Variants in RABGAP1L observed in about 807,000 individuals in gnomAD.
RABGAP1L encodes rab GTPase-activating protein 1-like.
A neutral mutation model predicts 137.7 loss-of-function variants in RABGAP1L; 63 were observed. The observed-to-expected ratio is 0.46, with a 90% CI of 0.37 to 0.56. The LOEUF is 0.56. RABGAP1L is among the 20% of genes least tolerant of loss of function. The pLI, the probability that RABGAP1L is intolerant of heterozygous loss-of-function variation, is 0.00. For missense variants in RABGAP1L, 1,095 were observed against 1,244.0 expected (o/e 0.88, Z 1.80); for synonymous variants, 431 against 433.7 (o/e 0.99, Z 0.08).
chr1:174,448,359 T>C lies in RABGAP1L; in HGVS notation c.1710+54214T>C, dbSNP rs1655028901. ...ACTACCAGCTATTTCATTCAGACGA[T>C]GGCATATGCTGATCTTTTCGTTGGA... On this transcript the variant is annotated intron_variant, in intron 13 of 25. Coordinates refer to ENST00000681986, the MANE Select transcript of RABGAP1L (RefSeq NM_001366446.1). The surrounding 1 kb of genome is among the most constrained non-coding windows in gnomAD (Gnocchi z 4.2). 1.9e-6 allele frequency: 3 copies of C among 1,613,906 alleles called. No individual in the cohort carries two copies.
chr1:174,767,655 A>AC (rs1685784191), intron 18 of RABGAP1L, among the ~76,000 whole-genome samples: 1 of 152,020 alleles, frequency 6.6e-6, no homozygotes, highest in Non-Finnish European at 1.5e-5. Context: ...TGATCTTATA[A>AC]CCTGCAACCT....
chr1:174,419,398 GTTTCTGAAATA>G (rs139511786), intron 13 of RABGAP1L, among the ~76,000 whole-genome samples: 2,551 of 152,216 alleles, frequency 0.017, 73 homozygotes, highest in African/African-American at 0.058. Context: ...ACTCTAGAAT[GTTTCTGAAATA>G]TTTTTTGGAT....
chr1:174,457,405 A>G lies in RABGAP1L; in HGVS notation c.1710+63260A>G, dbSNP rs577992948. 2.6e-5 allele frequency among the ~76,000 whole-genome samples: 4 copies of G among 152,204 alleles called. No homozygotes were observed. The South Asian group carries it at 8.3e-4, about 32-fold the overall frequency. On this transcript the variant is annotated intron_variant, in intron 13 of 25. Coordinates refer to ENST00000681986, the MANE Select transcript of RABGAP1L (RefSeq NM_001366446.1). ...AAATTATAAGCTTTGAGATTAGGACAATAATATTAACATGGGTAGAAGTAG... is the reference window on the plus strand; with the variant it reads ...AAATTATAAGCTTTGAGATTAGGACGATAATATTAACATGGGTAGAAGTAG...
intron 19 of RABGAP1L, among the ~76,000 whole-genome samples, chr1:174,927,469 G>A (rs977123329): frequency 2.6e-5 from 4 of 152,094 alleles, no homozygotes; most frequent in Non-Finnish European, 5.9e-5. Flanking sequence ...AGCTCATGCA[G>A]TCCTCCTGCC....
chr1:174,652,323 C>T (rs899704110), intron 14 of RABGAP1L, among the ~76,000 whole-genome samples: 3 of 152,110 alleles, frequency 2.0e-5, no homozygotes, highest in Non-Finnish European at 4.4e-5. Context: ...CTTGGAGCTC[C>T]ATCCAGTTTT....
intron 11 of RABGAP1L, among the ~76,000 whole-genome samples, chr1:174,333,687 C>T (rs563406417): frequency 2.1e-4 from 32 of 152,338 alleles, no homozygotes; most frequent in East Asian, 3.9e-4. Context: ...GCTCCCACTA[C>T]GCCCATTTTC....
chr1:174,232,644 A>G (rs542391923), intron 4 of RABGAP1L, among the ~76,000 whole-genome samples: 111 of 149,634 alleles, frequency 7.4e-4, no homozygotes, highest in Middle Eastern at 3.6e-3. Context: ...TTAGCTGGGC[A>G]TGGTGGCGGG....
intron 19 of RABGAP1L, among the ~76,000 whole-genome samples, chr1:174,916,863 A>G (rs1573813910): frequency 6.6e-6 from 1 of 152,352 alleles, no homozygotes; most frequent in East Asian, 1.9e-4. Flanking sequence ...TTACTAAATA[A>G]CAAGCAGGTG....
chr1:174,745,121 T>C (rs530005673), intron 17 of RABGAP1L, among the ~76,000 whole-genome samples: 2 of 152,354 alleles, frequency 1.3e-5, no homozygotes, highest in African/African-American at 4.8e-5. Flanking sequence ...GATGACTTCT[T>C]TACTCACATA....
chr1:174,792,264 A>G (rs906370122), intron 18 of RABGAP1L, among the ~76,000 whole-genome samples: 5 of 152,198 alleles, frequency 3.3e-5, no homozygotes, highest in Non-Finnish European at 5.9e-5. Context: ...TATCTAGAGT[A>G]TCTGTTTCAG....
chr1:174,861,619 ATC>A (rs774234068), intron 19 of RABGAP1L, among the ~76,000 whole-genome samples: 1 of 152,052 alleles, frequency 6.6e-6, no homozygotes, highest in African/African-American at 2.4e-5. Context: ...AACAATTGTT[ATC>A]TCTTTTTTTT....
intron 4 of RABGAP1L, chr1:174,238,698 G>T (rs1283585822): frequency 6.7e-6 from 1 of 150,346 alleles, no homozygotes; most frequent in Non-Finnish European, 1.5e-5. Context: ...ATTTAAGTCT[G>T]CAGAGGTTAC....
At chr1:174,541,696 A>G (rs1283581232) in intron 13 of RABGAP1L, among the ~76,000 whole-genome samples, 2 of 152,120 alleles carry the variant, frequency 1.3e-5, no homozygotes, top group African/African-American at 2.4e-5. Context: ...GAATGGCATG[A>G]ACCCGGGAGG....
intron 13 of RABGAP1L, among the ~76,000 whole-genome samples, chr1:174,546,752 C>G (rs374106290): frequency 6.6e-6 from 1 of 152,094 alleles, no homozygotes; most frequent in African/African-American, 2.4e-5. Context: ...AGCAGTTGGC[C>G]GGGCGCGGTG....
intron 12 of RABGAP1L, among the ~76,000 whole-genome samples, chr1:174,375,998 G>A (rs1009776291): frequency 1.3e-5 from 2 of 152,054 alleles, no homozygotes; most frequent in African/African-American, 4.8e-5. Context: ...AGCCTAGGAG[G>A]CAGAGGTTGC....
rs562994842 is a variant in RABGAP1L, at chr1:174,200,914, A to T, written c.-33-18211A>T. ...TTTCAATGTGTCCCCGTTTGGTTTCAGTTATCCACATCTGAAGTCACTGTG... is the reference window on the plus strand; with the variant it reads ...TTTCAATGTGTCCCCGTTTGGTTTCTGTTATCCACATCTGAAGTCACTGTG... On this transcript the variant is annotated intron_variant, in intron 1 of 25. Coordinates refer to ENST00000681986, the MANE Select transcript of RABGAP1L (RefSeq NM_001366446.1). Among the ~76,000 whole-genome samples the T allele has an allele frequency of 3.3e-5, 5 of 152,278 alleles. No homozygotes were observed. The South Asian group carries it at 1.0e-3, about 32-fold the overall frequency.
intron 14 of RABGAP1L, among the ~76,000 whole-genome samples, chr1:174,663,965 C>T (rs375417235): frequency 1.3e-5 from 2 of 152,104 alleles, no homozygotes; most frequent in East Asian, 3.8e-4. Flanking sequence ...GACTCAGAGG[C>T]TGTGATGTGC....
chr1:174,559,069 G>C (rs544697797), intron 13 of RABGAP1L, among the ~76,000 whole-genome samples: 3 of 152,240 alleles, frequency 2.0e-5, no homozygotes, highest in African/African-American at 7.2e-5. Flanking sequence ...TTCCAGAAAA[G>C]GGGCATCTAG....
chr1:174,290,771 T>A (rs1198172739), intron 10 of RABGAP1L, among the ~76,000 whole-genome samples: 1 of 151,878 alleles, frequency 6.6e-6, no homozygotes, highest in Non-Finnish European at 1.5e-5. Context: ...TTGGTTTTTT[T>A]TTTTTTTGAG....
Sources: allele counts gnomAD v4.1 joint callset (sites outside exome capture counted in the v4.1 genomes callset), GRCh38; gene constraint gnomAD v4.1.1; non-coding constraint Gnocchi (gnomAD v3.1); transcripts MANE v1.5; gene names NCBI Gene and HGNC (gene_info 2026-07-23, HGNC 2026-07-21).